Variants in RARB observed in about 807,000 individuals in gnomAD.
RARB encodes retinoic acid receptor beta, also known as HBV-activated protein.
Under a neutral mutation model 51.9 loss-of-function variants are expected in RARB, and 17 were observed. The observed-to-expected ratio is 0.33, with a 90% CI of 0.22 to 0.49. The LOEUF (loss-of-function observed/expected upper bound fraction) is 0.49. Ranked by LOEUF, RARB falls within the 20% of genes least tolerant of loss-of-function variation. RARB has a pLI of 0.99. For missense variants in RARB, 369 were observed against 550.8 expected (o/e 0.67, Z 3.30); for synonymous variants, 215 against 195.4 (o/e 1.10, Z -0.84).
chr3:25,294,158 CA>C (rs1320190805), intron 5 of RARB, among the ~76,000 whole-genome samples: 4 of 152,014 alleles, frequency 2.6e-5, no homozygotes, highest in Non-Finnish European at 5.9e-5. Flanking sequence ...TCAGCATAAT[CA>C]AAAAACCAAA....
At chr3:25,465,812 A>G (rs11929566) in intron 2 of RARB, among the ~76,000 whole-genome samples, 22,565 of 150,950 alleles carry the variant, frequency 0.15, 1,966 homozygotes, top group African/African-American at 0.25. Context: ...TTAACAGTAT[A>G]AAATAATAAA....
chr3:24,993,015 T>C (rs1008636148), intron 2 of RARB, among the ~76,000 whole-genome samples: 3 of 152,190 alleles, frequency 2.0e-5, no homozygotes, highest in African/African-American at 4.8e-5. Flanking sequence ...TAAAGGAACA[T>C]TAAATGTTAC....
At chr3:25,093,870 C>A (rs1699246511) in intron 3 of RARB, among the ~76,000 whole-genome samples, 1 of 152,162 alleles carries the variant, frequency 6.6e-6, no homozygotes, top group Admixed American at 6.5e-5. Context: ...CCACCCCTTT[C>A]TCTTTGCTCA....
intron 5 of RARB, among the ~76,000 whole-genome samples, chr3:25,385,259 A>C (rs1211145904): frequency 6.6e-6 from 1 of 152,186 alleles, no homozygotes; most frequent in Non-Finnish European, 1.5e-5. Flanking sequence ...GATCCACAGA[A>C]AGGACAATAC....
chr3:25,051,022 T>C (rs1283850635), intron 2 of RARB, among the ~76,000 whole-genome samples: 3 of 152,156 alleles, frequency 2.0e-5, no homozygotes, highest in Admixed American at 2.0e-4. Context: ...TCACTCTCTT[T>C]AACTGTGTGG....
In RARB at chr3:25,428,372, G is replaced by C; in HGVS notation, c.-360G>C. 1 of 1,249,270 alleles carries C rather than the reference G, an allele frequency of 8.0e-7. No homozygotes were observed. The highest frequency in any genetic ancestry group is 1.0e-6 in the Non-Finnish European group (1 of 998,242). 77.4% of individuals were successfully genotyped at this position (1,249,270 alleles called of 1,614,324 possible). Reference sequence around the variant, plus strand: ...AGCTGTTTGAGGACTGGGATGCCGAGAACGCGAGCGATCCGAGCAGGGTTT... The same window carrying C: ...AGCTGTTTGAGGACTGGGATGCCGACAACGCGAGCGATCCGAGCAGGGTTT... On this transcript the variant is annotated 5_prime_UTR_variant, in exon 1 of 8. Transcript: ENST00000330688.
At chr3:25,589,012 G>GA (rs1213716633) in intron 5 of RARB, among the ~76,000 whole-genome samples, 13 of 152,308 alleles carry the variant, frequency 8.5e-5, no homozygotes, top group Admixed American at 2.6e-4. Flanking sequence ...CCCTTAAAGG[G>GA]AGTAGGATCA....
At chr3:25,517,883 G>A (rs1698236915) in intron 3 of RARB, among the ~76,000 whole-genome samples, 1 of 152,088 alleles carries the variant, frequency 6.6e-6, no homozygotes, top group Non-Finnish European at 1.5e-5. Flanking sequence ...AGTGAAAGAA[G>A]CCAGACACAA....
chr3:25,180,818 C>T (rs1465307887), intron 5 of RARB, among the ~76,000 whole-genome samples: 1 of 152,200 alleles, frequency 6.6e-6, no homozygotes, highest in African/African-American at 2.4e-5. Context: ...TCTAATTAGT[C>T]TTGTTATTTG....
At chr3:24,879,375 G>A (rs771568148) in intron 2 of RARB, among the ~76,000 whole-genome samples, 2 of 151,750 alleles carry the variant, frequency 1.3e-5, no homozygotes, top group Non-Finnish European at 2.9e-5. Context: ...CTTGCAGTGA[G>A]GCGAGATCGC....
intron 2 of RARB, among the ~76,000 whole-genome samples, chr3:24,987,174 G>T (rs1246948270): frequency 2.0e-5 from 3 of 151,942 alleles, no homozygotes; most frequent in African/African-American, 7.2e-5. Flanking sequence ...AGAAAACCTT[G>T]TTTATTAAGG....
chr3:24,841,458 A>G (rs1265725322), intron 1 of RARB, among the ~76,000 whole-genome samples: 2 of 152,234 alleles, frequency 1.3e-5, no homozygotes, highest in Admixed American at 6.5e-5. Context: ...AGGATATTAC[A>G]GACAGTGTGT....
At chr3:25,289,000 A>T (rs1195431546) in intron 5 of RARB, among the ~76,000 whole-genome samples, 1 of 152,216 alleles carries the variant, frequency 6.6e-6, no homozygotes, top group Non-Finnish European at 1.5e-5. Context: ...CCATGAACCA[A>T]TGATGATAAC....
intron 5 of RARB, among the ~76,000 whole-genome samples, chr3:25,262,578 C>G (rs1382615760): frequency 1.3e-5 from 2 of 152,050 alleles, no homozygotes; most frequent in Non-Finnish European, 2.9e-5. Flanking sequence ...TTCATGGTCC[C>G]CTTCCTTCAT....
intron 2 of RARB, among the ~76,000 whole-genome samples, chr3:25,024,265 G>A (rs752877563): frequency 6.6e-6 from 1 of 152,132 alleles, no homozygotes; most frequent in Non-Finnish European, 1.5e-5. Flanking sequence ...GTTTGATTTA[G>A]TAGGTGCGGC....
At chr3:25,083,248 C>A (rs914025937) in intron 3 of RARB, among the ~76,000 whole-genome samples, 1 of 151,870 alleles carries the variant, frequency 6.6e-6, no homozygotes, top group Non-Finnish European at 1.5e-5. Flanking sequence ...AATATTTCTT[C>A]TTACCAAATC....
At chr3:25,394,889 C>T (rs1707074102) in intron 5 of RARB, among the ~76,000 whole-genome samples, 1 of 152,120 alleles carries the variant, frequency 6.6e-6, no homozygotes, top group African/African-American at 2.4e-5. Flanking sequence ...ACATTTAGGC[C>T]ATTTACACTC....
At chr3:24,931,075 A>G (rs1333199359) in intron 2 of RARB, among the ~76,000 whole-genome samples, 1 of 151,914 alleles carries the variant, frequency 6.6e-6, no homozygotes, top group Non-Finnish European at 1.5e-5. Flanking sequence ...AGGTCACACA[A>G]CTCTTAAGTA....
intron 5 of RARB, among the ~76,000 whole-genome samples, chr3:25,329,589 A>C (rs1052881622): frequency 1.3e-5 from 2 of 152,202 alleles, no homozygotes; most frequent in African/African-American, 4.8e-5. Flanking sequence ...AATTCTAAAA[A>C]TCAGACTGCC....
Sources: gnomAD v4.1 joint callset for allele counts (sites outside exome capture counted in the v4.1 genomes callset) on GRCh38, gnomAD v4.1.1 for gene constraint, MANE v1.5 for transcripts, NCBI Gene and HGNC (gene_info 2026-07-23, HGNC 2026-07-21) for gene names.